TMEM233: variants seen among roughly 807,000 people sequenced by gnomAD.
TMEM233 encodes the protein transmembrane protein 233.
TMEM233 carries 6 observed loss-of-function variants against 11.2 expected under a neutral mutation model. The ratio of observed to expected loss-of-function variants is 0.54; its 90% confidence interval spans 0.29 to 1.06. The LOEUF is 1.06. Among genes scored for constraint, TMEM233 ranks in the 50% least tolerant of loss-of-function variants. TMEM233 has a pLI of 0.08. For synonymous variants in TMEM233, 59 were observed against 55.8 expected (o/e 1.06, Z -0.26); for missense variants, 127 against 144.7 (o/e 0.88, Z 0.63).
At chr12:119,612,797 G>A (rs1450730011) in intron 1 of TMEM233, among the ~76,000 whole-genome samples, 1 of 151,346 alleles carries the variant, frequency 6.6e-6, no homozygotes, top group Middle Eastern at 3.2e-3. Context: ...GTGTGCGCCT[G>A]TAGTCCCAGC....
chr12:119,638,393 G>A (rs1566115409), intron 2 of TMEM233, among the ~76,000 whole-genome samples: 1 of 152,172 alleles, frequency 6.6e-6, no homozygotes, highest in Non-Finnish European at 1.5e-5. Context: ...AGCCCAAGAG[G>A]TCGAGGGTGC....
rs150195082 is a variant in TMEM233, at chr12:119,631,478, C to A, written c.323+1606C>A. Reference sequence around the variant, plus strand: ...AGTGTCACAAAAGAAAATTAAATGGCTTTGGCCAAATAAAAGAGAAAAGGA... The same window carrying A: ...AGTGTCACAAAAGAAAATTAAATGGATTTGGCCAAATAAAAGAGAAAAGGA... On this transcript the variant is annotated intron_variant, in intron 2 of 2. Coordinates refer to ENST00000426426, the MANE Select transcript of TMEM233 (RefSeq NM_001136534.3). 1,557 of 985,022 alleles carry A rather than the reference C, an allele frequency of 1.6e-3. 1 individual carries two copies. The highest frequency in any genetic ancestry group is 1.8e-3 in the Non-Finnish European group (1,502 of 829,570). 61.0% of individuals were successfully genotyped at this position (985,022 alleles called of 1,614,324 possible).
At chr12:119,640,560 T>C (rs1955065275) in intron 2 of TMEM233, 139 bp from the exon 3 acceptor site, 1 of 873,900 alleles carries the variant, frequency 1.1e-6, no homozygotes, top group Non-Finnish European at 1.8e-6. Flanking sequence ...GTCAAAAGTG[T>C]GCACGCAGGC....
intron 1 of TMEM233, among the ~76,000 whole-genome samples, chr12:119,612,793 G>A (rs1205503821): frequency 7.3e-5 from 11 of 150,644 alleles, no homozygotes; most frequent in East Asian, 1.9e-4. Flanking sequence ...GGTGGTGTGC[G>A]CCTGTAGTCC....
chr12:119,646,635 T>C (rs1256393921), downstream of TMEM233, among the ~76,000 whole-genome samples: 1 of 152,204 alleles, frequency 6.6e-6, no homozygotes, highest in African/African-American at 2.4e-5. Context: ...CATTTACTTA[T>C]TTATTATCTT....
intron 2 of TMEM233, chr12:119,631,077 T>G (rs2136778212): frequency 6.6e-6 from 1 of 152,360 alleles, no homozygotes; most frequent in South Asian, 2.1e-4. Context: ...CAAGGTCATG[T>G]GATAGGCAAC....
At chr12:119,601,676 A>T (rs943875418) in intron 1 of TMEM233, among the ~76,000 whole-genome samples, 3 of 151,338 alleles carry the variant, frequency 2.0e-5, no homozygotes, top group African/African-American at 7.3e-5. Flanking sequence ...AAAAAAAAAA[A>T]ATAGTGAAAA....
At chr12:119,625,519 G>T (rs1048804569) in intron 1 of TMEM233, among the ~76,000 whole-genome samples, 1 of 151,924 alleles carries the variant, frequency 6.6e-6, no homozygotes, top group African/African-American at 2.4e-5. Flanking sequence ...ACAGGTGTGC[G>T]CATACATAAC....
intron 1 of TMEM233, among the ~76,000 whole-genome samples, chr12:119,621,050 T>G (rs931932913): frequency 6.6e-6 from 1 of 150,640 alleles, no homozygotes; most frequent in Non-Finnish European, 1.5e-5. Context: ...CTGGCTTTTT[T>G]TTTTTTTTTT....
At chr12:119,621,432 C>T (rs1302751522) in intron 1 of TMEM233, among the ~76,000 whole-genome samples, 1 of 152,204 alleles carries the variant, frequency 6.6e-6, no homozygotes, top group Non-Finnish European at 1.5e-5. Context: ...ATCCTCCTGC[C>T]TCAGCCTCCC....
intron 2 of TMEM233, chr12:119,634,344 G>A: frequency 1.2e-6 from 1 of 849,250 alleles, no homozygotes; most frequent in Non-Finnish European, 1.4e-6. Context: ...GGGTGTGGTG[G>A]CTCACACCTG....
chr12:119,653,253 A>C, the TMEM233 span, among the ~76,000 whole-genome samples: 1 of 151,776 alleles, frequency 6.6e-6, no homozygotes, highest in Non-Finnish European at 1.5e-5. Flanking sequence ...TTAACCAGGC[A>C]AGGTGGTGGG....
chr12:119,594,118 G>A lies in TMEM233; in HGVS notation c.186+84G>A. ...CTGCAGGGGAGTCCGCGCGCTCTCT[G>A]CGGCTCCCTTCCTCACGGCCCGGCC... On this transcript the variant is annotated intron_variant, in intron 1 of 2. Transcript: ENST00000426426. This position sits in a 1 kb window ranked among gnomAD's most constrained non-coding sequence, Gnocchi z 5.6. The A allele has an allele frequency of 2.2e-6, 3 of 1,386,612 alleles. No individual in the cohort carries two copies. Among genetic ancestry groups the A allele is most frequent in the Non-Finnish European group, 2.9e-6 (3 of 1,019,910 alleles). 85.9% of individuals were successfully genotyped at this position (1,386,612 alleles called of 1,614,324 possible).
intron 1 of TMEM233, among the ~76,000 whole-genome samples, chr12:119,610,911 T>C (rs1045663314): frequency 2.0e-5 from 3 of 152,178 alleles, no homozygotes; most frequent in African/African-American, 7.2e-5. Context: ...GGATATTTCT[T>C]ATAAATGAAA....
intron 1 of TMEM233, among the ~76,000 whole-genome samples, chr12:119,624,372 A>AT (rs1566107915): frequency 1.3e-5 from 2 of 151,878 alleles, no homozygotes; most frequent in African/African-American, 4.8e-5. Flanking sequence ...AAAAAAAAAA[A>AT]TTTTAATGAT....
the TMEM233 span, among the ~76,000 whole-genome samples, chr12:119,652,316 G>C: frequency 2.0e-5 from 3 of 152,194 alleles, no homozygotes; most frequent in Non-Finnish European, 4.4e-5. Context: ...CATCAATAGA[G>C]ACTAATTAGA....
chr12:119,646,094 G>C (rs760636201), downstream of TMEM233, among the ~76,000 whole-genome samples: 2 of 148,926 alleles, frequency 1.3e-5, no homozygotes, highest in Non-Finnish European at 3.0e-5. Context: ...GTCTTGCTCT[G>C]TTGCCCAGGC....
rs928866176 is a variant in TMEM233 at position 119,642,898 on chromosome 12, G to C, written c.*2193G>C. 3.9e-5 allele frequency: 6 copies of C among 152,158 alleles called. No homozygotes were observed. The highest frequency in any genetic ancestry group is 1.2e-4 in the African/African-American group (5 of 41,428). 9.4% of individuals were successfully genotyped at this position (152,158 alleles called of 1,614,324 possible). A position where few individuals can be genotyped will look rare whatever the true frequency, so the allele number is the denominator to read the frequency against. On this transcript the variant is annotated 3_prime_UTR_variant, in exon 3 of 3. Coordinates refer to ENST00000426426, the MANE Select transcript of TMEM233 (RefSeq NM_001136534.3). ...TGTCCCAGGAGGACGTTGAATCAGG[G>C]ACACGAAATCTCAGCACACAGAGAT...
At chr12:119,652,981 CA>C in the TMEM233 span, among the ~76,000 whole-genome samples, 1 of 152,140 alleles carries the variant, frequency 6.6e-6, no homozygotes, top group African/African-American at 2.4e-5. Flanking sequence ...ACCTTCGTAA[CA>C]TAAGAACGAG....
Sources: gnomAD v4.1 joint callset for allele counts (sites outside exome capture counted in the v4.1 genomes callset) on GRCh38, gnomAD v4.1.1 for gene constraint, Gnocchi (gnomAD v3.1) non-coding constraint, MANE v1.5 for transcripts, NCBI Gene and HGNC (gene_info 2026-07-23, HGNC 2026-07-21) for gene names.